Variants in LRMDA observed in about 807,000 individuals in gnomAD.
LRMDA encodes the protein leucine rich melanocyte differentiation associated.
In LRMDA, 18 loss-of-function variants were observed where a neutral mutation model predicts 29.8. The observed-to-expected ratio is 0.60, with a 90% CI of 0.42 to 0.90. The LOEUF (loss-of-function observed/expected upper bound fraction) is 0.90. Among genes scored for constraint, LRMDA ranks in the 40% least tolerant of loss-of-function variants. The probability of loss-of-function intolerance (pLI) is 0.00; values close to 1 mark genes in which losing one functional copy is unlikely to be tolerated. For missense variants in LRMDA, 273 were observed against 273.9 expected (o/e 1.00, Z 0.02); for synonymous variants, 125 against 109.4 (o/e 1.14, Z -0.89).
chr10:76,363,169 GA>G (rs1367250556), intron 6 of LRMDA, among the ~76,000 whole-genome samples: 2,029 of 39,540 alleles, frequency 0.051, 133 homozygotes, highest in African/African-American at 0.074. Context: ...AAGAAAGAAA[GA>G]AAGAAAGGAG....
intron 5 of LRMDA, among the ~76,000 whole-genome samples, chr10:76,246,422 A>G (rs1852378405): frequency 1.3e-5 from 2 of 152,176 alleles, no homozygotes; most frequent in African/African-American, 4.8e-5. Context: ...CTCATGGCTA[A>G]CAACCTGTTT....
intron 2 of LRMDA, among the ~76,000 whole-genome samples, chr10:75,608,129 T>TATATATATATATATACACACAC (rs11271217): frequency 1.1e-5 from 1 of 89,546 alleles, no homozygotes; most frequent in Non-Finnish European, 2.7e-5. Flanking sequence ...TATATATATA[T>TATATATATATATATACACACAC]ACACACACAT....
intron 2 of LRMDA, among the ~76,000 whole-genome samples, chr10:75,687,094 A>G (rs971347962): frequency 6.6e-6 from 1 of 152,192 alleles, no homozygotes; most frequent in African/African-American, 2.4e-5. Context: ...TCTCTGAGAC[A>G]AAACAATATA....
At chr10:75,691,028 C>CACACACAT (rs375639240) in intron 2 of LRMDA, among the ~76,000 whole-genome samples, 1 of 126,986 alleles carries the variant, frequency 7.9e-6, no homozygotes, top group Non-Finnish European at 1.7e-5. Flanking sequence ...CACACACACA[C>CACACACAT]ATATATATAT....
At chr10:76,022,377 T>C (rs718767) in intron 2 of LRMDA, among the ~76,000 whole-genome samples, 95,058 of 152,078 alleles carry the variant, frequency 0.63, 29,997 homozygotes, top group South Asian at 0.67. Flanking sequence ...AGAGTTTTTC[T>C]TAGGCCTCAA....
At chr10:76,115,984 T>C (rs114058280) in intron 5 of LRMDA, among the ~76,000 whole-genome samples, 230 of 152,256 alleles carry the variant, frequency 1.5e-3, no homozygotes, top group African/African-American at 5.1e-3. Context: ...ATGCATCAAG[T>C]ACTGCCAGCT....
chr10:75,804,625 G>A (rs1298541413), intron 2 of LRMDA, among the ~76,000 whole-genome samples: 2 of 152,216 alleles, frequency 1.3e-5, no homozygotes, highest in Admixed American at 1.3e-4. Flanking sequence ...CTGCTGCATT[G>A]TGGTCAGAGC....
At chr10:76,212,809 G>A (rs1182761941) in intron 5 of LRMDA, among the ~76,000 whole-genome samples, 1 of 152,180 alleles carries the variant, frequency 6.6e-6, no homozygotes, top group Non-Finnish European at 1.5e-5. Flanking sequence ...AGAAGATCAA[G>A]ATCAGTGTAG....
At chr10:75,894,302 C>A (rs1286899369) in intron 2 of LRMDA, among the ~76,000 whole-genome samples, 1 of 152,170 alleles carries the variant, frequency 6.6e-6, no homozygotes. Flanking sequence ...TCCTGAGTTG[C>A]TTCACTCAGA....
At chr10:75,689,110 T>G (rs1842115538) in intron 2 of LRMDA, among the ~76,000 whole-genome samples, 1 of 152,206 alleles carries the variant, frequency 6.6e-6, no homozygotes, top group Non-Finnish European at 1.5e-5. Context: ...AAACCTGGAA[T>G]GGCTCCAAGG....
chr10:76,111,034 T>G (rs1004823076), intron 5 of LRMDA, among the ~76,000 whole-genome samples: 1 of 151,032 alleles, frequency 6.6e-6, no homozygotes, highest in South Asian at 2.1e-4. Context: ...GTTCATTTTG[T>G]TTTTTTTTCT....
At chr10:75,992,987 A>G (rs1194374048) in intron 2 of LRMDA, among the ~76,000 whole-genome samples, 1 of 150,730 alleles carries the variant, frequency 6.6e-6, no homozygotes, top group African/African-American at 2.4e-5. Context: ...TAAAAATAAA[A>G]ATGAAAATTA....
chr10:75,728,370 A>G (rs1416171673), intron 2 of LRMDA, among the ~76,000 whole-genome samples: 1 of 152,034 alleles, frequency 6.6e-6, no homozygotes, highest in Non-Finnish European at 1.5e-5. Context: ...TCATTAAAAA[A>G]TGATGTTGCC....
chr10:75,897,943 T>C (rs1845611861), intron 2 of LRMDA, among the ~76,000 whole-genome samples: 1 of 150,048 alleles, frequency 6.7e-6, no homozygotes, highest in South Asian at 2.2e-4. Flanking sequence ...TGCCCCAGTC[T>C]CCTGAGTAGC....
intron 5 of LRMDA, among the ~76,000 whole-genome samples, chr10:76,175,170 C>A (rs1348830775): frequency 6.6e-6 from 1 of 152,090 alleles, no homozygotes; most frequent in Non-Finnish European, 1.5e-5. Context: ...ACACATAAAG[C>A]CCTTGGCACA....
At chr10:76,252,194 C>G (rs1852497885) in intron 5 of LRMDA, among the ~76,000 whole-genome samples, 1 of 152,096 alleles carries the variant, frequency 6.6e-6, no homozygotes, top group African/African-American at 2.4e-5. Flanking sequence ...GGAGGCCAAC[C>G]GGGAGAAGGA....
intron 6 of LRMDA, among the ~76,000 whole-genome samples, chr10:76,355,189 G>T (rs575682714): frequency 2.0e-5 from 3 of 152,212 alleles, no homozygotes; most frequent in African/African-American, 7.2e-5. Context: ...ATTTTACATG[G>T]CAAGATAAGC....
chr10:76,172,466 A>C (rs1169876438), intron 5 of LRMDA, among the ~76,000 whole-genome samples: 2 of 152,216 alleles, frequency 1.3e-5, no homozygotes, highest in Non-Finnish European at 2.9e-5. Context: ...GAAGTTGAGA[A>C]TTAGGGGAGA....
At chr10:76,503,286 C>T (rs1046023844) in intron 6 of LRMDA, among the ~76,000 whole-genome samples, 2 of 151,436 alleles carry the variant, frequency 1.3e-5, no homozygotes, top group Non-Finnish European at 3.0e-5. Context: ...GTTGATTCAC[C>T]AAGATCAAGT....
Sources: allele counts gnomAD v4.1 joint callset (sites outside exome capture counted in the v4.1 genomes callset), GRCh38; gene constraint gnomAD v4.1.1; transcripts MANE v1.5; gene names NCBI Gene and HGNC (gene_info 2026-07-23, HGNC 2026-07-21).